PPTC7: variants seen among roughly 807,000 people sequenced by gnomAD.
The protein encoded by PPTC7 is protein phosphatase PTC7 homolog.
A neutral mutation model predicts 30.8 loss-of-function variants in PPTC7; 6 were observed. That is an observed-to-expected ratio of 0.19 (90% CI 0.11 to 0.38). The LOEUF (loss-of-function observed/expected upper bound fraction) is 0.38, where lower values mean the gene tolerates loss of function less well. PPTC7 is among the 10% of genes least tolerant of loss of function. The pLI, the probability that PPTC7 is intolerant of heterozygous loss-of-function variation, is 1.00. For synonymous variants in PPTC7, 163 were observed against 168.1 expected, an observed-to-expected ratio of 0.97 and a Z score of 0.23; for missense variants, 218 against 404.8, an observed-to-expected ratio of 0.54 and a Z score of 3.96.
At chr12:110,568,395 G>A (rs1386316394) in intron 1 of PPTC7, among the ~76,000 whole-genome samples, 2 of 152,044 alleles carry the variant, frequency 1.3e-5, no homozygotes, top group East Asian at 1.9e-4. Context: ...TGGGACTACA[G>A]GCGCCTGCCA....
chr12:110,542,345 T>A (rs966423776), intron 3 of PPTC7, among the ~76,000 whole-genome samples: 1 of 150,460 alleles, frequency 6.6e-6, no homozygotes, highest in African/African-American at 2.4e-5. Context: ...TGCTTCTATA[T>A]GCAGGGAATA....
chr12:110,544,140 T>A (rs2064286709), intron 3 of PPTC7, among the ~76,000 whole-genome samples: 1 of 152,238 alleles, frequency 6.6e-6, no homozygotes, highest in Non-Finnish European at 1.5e-5. Flanking sequence ...CTTTTACTTT[T>A]TACTTTTGGA....
intron 2 of PPTC7, among the ~76,000 whole-genome samples, chr12:110,548,954 C>G (rs751922540): frequency 3.3e-5 from 5 of 152,114 alleles, no homozygotes; most frequent in African/African-American, 7.2e-5. Context: ...ATCATTCTCA[C>G]GTGTTTGGAG....
In PPTC7 at chr12:110,583,202, C is replaced by T. The variant is rs2064655426; in HGVS notation, c.-171G>A. 2 of 235,884 alleles carry T rather than the reference C, an allele frequency of 8.5e-6. No individual in the cohort carries two copies. Among genetic ancestry groups the T allele is most frequent in the Non-Finnish European group, 1.5e-5 (2 of 132,346 alleles). The allele number at this position is 235,884 out of a possible 1,614,324, so 14.6% of individuals were successfully genotyped here. On this transcript the variant is annotated 5_prime_UTR_variant, in exon 1 of 6. Transcript: ENST00000354300. ...CGACGCGCGGGGCCTCGCACGCGCT[C>T]AGCCGCGCGCACCGGAGCCAGAGCG... is the stretch of plus-strand genomic sequence containing the variant.
At chr12:110,578,057 T>C (rs546986340) in intron 1 of PPTC7, among the ~76,000 whole-genome samples, 48 of 152,302 alleles carry the variant, frequency 3.2e-4, no homozygotes, top group Non-Finnish European at 6.2e-4. Flanking sequence ...GATGAGAGAC[T>C]GAGATAGGTG....
chr12:110,541,295 T>G (rs1354238466), intron 3 of PPTC7, among the ~76,000 whole-genome samples: 1 of 151,136 alleles, frequency 6.6e-6, no homozygotes, highest in African/African-American at 2.4e-5. Flanking sequence ...GGCAGGAGAA[T>G]TGCTTGAACC....
rs1223168788 is a variant in PPTC7, at chr12:110,536,330, T to G, written c.*707A>C. Reference sequence around the variant, plus strand: ...TGGAGATCAGGCCTTAGCCTGTGATTTGGACTAATCAATAAACTGCCAAAA... The same window carrying G: ...TGGAGATCAGGCCTTAGCCTGTGATGTGGACTAATCAATAAACTGCCAAAA... On this transcript the variant is annotated 3_prime_UTR_variant, in exon 6 of 6. Coordinates refer to ENST00000354300, the MANE Select transcript of PPTC7 (RefSeq NM_139283.2). The G allele has an allele frequency of 6.6e-6, 1 of 152,246 alleles. No homozygotes were observed. Among genetic ancestry groups the G allele is most frequent in the Admixed American group, 6.5e-5 (1 of 15,288 alleles). 9.4% of individuals were successfully genotyped at this position (152,246 alleles called of 1,614,324 possible).
chr12:110,563,067 A>G (rs1261864533), intron 1 of PPTC7, among the ~76,000 whole-genome samples: 2 of 146,342 alleles, frequency 1.4e-5, no homozygotes, highest in Non-Finnish European at 3.0e-5. Flanking sequence ...TGCAGTAAGC[A>G]AAGATTGCGC....
chr12:110,567,260 GC>G (rs1469470119), intron 1 of PPTC7, among the ~76,000 whole-genome samples: 2 of 152,144 alleles, frequency 1.3e-5, no homozygotes, highest in Admixed American at 1.3e-4. Context: ...TGGAACCCCA[GC>G]CCTACTCCCT....
At chr12:110,553,279 A>G (rs2064362725) in intron 1 of PPTC7, among the ~76,000 whole-genome samples, 1 of 151,478 alleles carries the variant, frequency 6.6e-6, no homozygotes, top group Non-Finnish European at 1.5e-5. Context: ...CCTCCCGAGT[A>G]GCTGAGACTA....
rs143985419 is a variant in PPTC7 at position 110,550,265 on chromosome 12, C to G, written c.403+1524G>C. Among the ~76,000 whole-genome samples the G allele has an allele frequency of 1.9e-4, 24 of 123,344 alleles. No homozygotes were observed. In the East Asian group the frequency reaches 5.7e-3, roughly 29 times the overall value. 80.9% of individuals were successfully genotyped at this position (123,344 alleles called of 152,430 possible). On this transcript the variant is annotated intron_variant, in intron 2 of 5. Coordinates refer to ENST00000354300, the MANE Select transcript of PPTC7 (RefSeq NM_139283.2). ...TTTTTTTTGGAGATGGAGTCTTGCT[C>G]TGTCGCCCACGCTGGAGTGCAGTGG... is the stretch of plus-strand genomic sequence containing the variant.
intron 5 of PPTC7, among the ~76,000 whole-genome samples, chr12:110,537,614 T>A (rs2064229124): frequency 6.6e-6 from 1 of 152,168 alleles, no homozygotes; most frequent in African/African-American, 2.4e-5. Flanking sequence ...CACCAACATG[T>A]CCCAGCCCTG....
intron 1 of PPTC7, among the ~76,000 whole-genome samples, chr12:110,571,011 C>T (rs34390314): frequency 6.6e-6 from 1 of 152,246 alleles, no homozygotes; most frequent in African/African-American, 2.4e-5. Flanking sequence ...CTACATCTGG[C>T]GCCCAACGTG....
intron 3 of PPTC7, among the ~76,000 whole-genome samples, chr12:110,541,459 G>A (rs1053829106): frequency 1.3e-5 from 2 of 151,950 alleles, no homozygotes. Flanking sequence ...TGTAATCCCT[G>A]CACTTTGGGA....
At chr12:110,547,693 G>A (rs1001653305) in intron 2 of PPTC7, among the ~76,000 whole-genome samples, 1 of 152,082 alleles carries the variant, frequency 6.6e-6, no homozygotes, top group Admixed American at 6.6e-5. Context: ...ATGGTTAAAA[G>A]GAAAACAACA....
chr12:110,547,214 C>G (rs2064313790), intron 2 of PPTC7, among the ~76,000 whole-genome samples: 1 of 152,136 alleles, frequency 6.6e-6, no homozygotes, highest in Non-Finnish European at 1.5e-5. Flanking sequence ...AAATAAATTA[C>G]AGTACATCCA....
At chr12:110,548,011 G>C (rs1282488801) in intron 2 of PPTC7, among the ~76,000 whole-genome samples, 1 of 151,928 alleles carries the variant, frequency 6.6e-6, no homozygotes, top group African/African-American at 2.4e-5. Context: ...GGAGGCTGGG[G>C]CACAAGAATT....
chr12:110,579,505 G>A (rs2064618468), intron 1 of PPTC7, among the ~76,000 whole-genome samples: 1 of 152,192 alleles, frequency 6.6e-6, no homozygotes, highest in South Asian at 2.1e-4. Context: ...GGACCTCCAG[G>A]TGGTATCAGA....
chr12:110,557,807 G>C (rs1242365525), intron 1 of PPTC7, among the ~76,000 whole-genome samples: 1 of 152,094 alleles, frequency 6.6e-6, no homozygotes, highest in Non-Finnish European at 1.5e-5. Flanking sequence ...GCATGGCTGG[G>C]GAGGCCTCAG....
Sources: allele counts gnomAD v4.1 joint callset (sites outside exome capture counted in the v4.1 genomes callset), GRCh38; gene constraint gnomAD v4.1.1; transcripts MANE v1.5; gene names NCBI Gene and HGNC (gene_info 2026-07-23, HGNC 2026-07-21).